Variants in SHISA9 observed in about 807,000 individuals in gnomAD.
The protein encoded by SHISA9 is shisa family member 9.
A neutral mutation model predicts 38.0 loss-of-function variants in SHISA9; 13 were observed. The ratio of observed to expected loss-of-function variants is 0.34; its 90% confidence interval spans 0.22 to 0.54. SHISA9 has a LOEUF of 0.54. Ranked by LOEUF, SHISA9 falls within the 20% of genes least tolerant of loss-of-function variation. The pLI, the probability that SHISA9 is intolerant of heterozygous loss-of-function variation, is 0.91. For missense variants in SHISA9, 538 were observed against 575.8 expected, an observed-to-expected ratio of 0.93 and a Z score of 0.67; for synonymous variants, 275 against 242.0, an observed-to-expected ratio of 1.14 and a Z score of -1.27.
At chr16:13,093,944 C>T (rs1181005604) in intron 2 of SHISA9, among the ~76,000 whole-genome samples, 1 of 152,148 alleles carries the variant, frequency 6.6e-6, no homozygotes, top group Non-Finnish European at 1.5e-5. Context: ...GGGCTCCTTA[C>T]TCCTTGTCTG....
intron 2 of SHISA9, among the ~76,000 whole-genome samples, chr16:13,177,594 C>T (rs1370923040): frequency 6.6e-6 from 1 of 152,106 alleles, no homozygotes; most frequent in Non-Finnish European, 1.5e-5. Context: ...TTTTCCCTAA[C>T]TGATACCTGT....
the SHISA9 span, among the ~76,000 whole-genome samples, chr16:13,476,487 G>A: frequency 6.6e-6 from 1 of 152,168 alleles, no homozygotes; most frequent in Non-Finnish European, 1.5e-5. Flanking sequence ...ACAGGACCTA[G>A]ACTGAACCCC....
intron 2 of SHISA9, among the ~76,000 whole-genome samples, chr16:12,993,509 A>G (rs902781881): frequency 2.0e-5 from 3 of 152,186 alleles, no homozygotes; most frequent in Non-Finnish European, 4.4e-5. Flanking sequence ...ATAAAATAAC[A>G]TAAAAAGCCC....
chr16:13,479,480 TAGG>T, the SHISA9 span, among the ~76,000 whole-genome samples: 2 of 152,220 alleles, frequency 1.3e-5, no homozygotes, highest in Non-Finnish European at 2.9e-5. Flanking sequence ...AAACTGACTC[TAGG>T]AGATGTCACT....
At chr16:13,120,272 A>C (rs945141678) in intron 2 of SHISA9, among the ~76,000 whole-genome samples, 1 of 152,190 alleles carries the variant, frequency 6.6e-6, no homozygotes, top group Non-Finnish European at 1.5e-5. Flanking sequence ...TAGTGCAGTG[A>C]AAGCTGATAG....
the SHISA9 span, among the ~76,000 whole-genome samples, chr16:13,375,575 C>T: frequency 6.6e-6 from 1 of 151,940 alleles, no homozygotes; most frequent in African/African-American, 2.4e-5. Context: ...GTTACTGTAG[C>T]CTTGTAGTAT....
At chr16:12,927,760 C>A (rs767476429) in intron 2 of SHISA9, among the ~76,000 whole-genome samples, 1 of 151,870 alleles carries the variant, frequency 6.6e-6, no homozygotes, top group Non-Finnish European at 1.5e-5. Context: ...ACATGGGCTC[C>A]CACCCCCCAT....
chr16:13,113,786 C>T (rs2074002842), intron 2 of SHISA9, among the ~76,000 whole-genome samples: 1 of 152,116 alleles, frequency 6.6e-6, no homozygotes, highest in Non-Finnish European at 1.5e-5. Context: ...ACAATAGAAA[C>T]TAGAAAAAGG....
chr16:13,220,962 G>C (rs1430766838), intron 4 of SHISA9, among the ~76,000 whole-genome samples: 1 of 151,656 alleles, frequency 6.6e-6, no homozygotes, highest in Non-Finnish European at 1.5e-5. Flanking sequence ...GCCAGGGGCT[G>C]TTTTAGAATT....
intron 3 of SHISA9, among the ~76,000 whole-genome samples, chr16:13,203,793 C>T (rs1262838150): frequency 1.3e-5 from 2 of 152,048 alleles, no homozygotes; most frequent in African/African-American, 4.8e-5. Flanking sequence ...ACACTCTATC[C>T]ATCCATTCAT....
chr16:13,128,427 C>G (rs1005084502), intron 2 of SHISA9, among the ~76,000 whole-genome samples: 2 of 152,104 alleles, frequency 1.3e-5, no homozygotes, highest in African/African-American at 4.8e-5. Context: ...AACCTAGCAG[C>G]TAGGAGGCTC....
At chr16:13,421,037 T>A in the SHISA9 span, among the ~76,000 whole-genome samples, 1 of 152,178 alleles carries the variant, frequency 6.6e-6, no homozygotes, top group Non-Finnish European at 1.5e-5. Context: ...TCAATACTAA[T>A]TAAACTGGCA....
intron 2 of SHISA9, among the ~76,000 whole-genome samples, chr16:12,993,963 C>A (rs1315277427): frequency 6.6e-6 from 1 of 151,874 alleles, no homozygotes; most frequent in Non-Finnish European, 1.5e-5. Context: ...GTGGCTGCAG[C>A]AGGAGGGAGA....
At chr16:13,098,513 G>T (rs1482238773) in intron 2 of SHISA9, among the ~76,000 whole-genome samples, 1 of 152,120 alleles carries the variant, frequency 6.6e-6, no homozygotes, top group African/African-American at 2.4e-5. Flanking sequence ...TCTGAATCTT[G>T]TTCTCTGCAA....
the SHISA9 span, among the ~76,000 whole-genome samples, chr16:13,395,510 A>G: frequency 6.6e-6 from 1 of 152,264 alleles, no homozygotes; most frequent in African/African-American, 2.4e-5. Flanking sequence ...CTGAGACTGA[A>G]TGGCTTGACA....
downstream of SHISA9, among the ~76,000 whole-genome samples, chr16:13,243,206 C>T (rs1331801464): frequency 6.6e-6 from 1 of 151,684 alleles, no homozygotes; most frequent in Non-Finnish European, 1.5e-5. Context: ...CGCCACTGCA[C>T]TCCAACCCTG....
chr16:13,006,397 A>G (rs116214468), intron 2 of SHISA9, among the ~76,000 whole-genome samples: 1 of 152,122 alleles, frequency 6.6e-6, no homozygotes, highest in African/African-American at 2.4e-5. Flanking sequence ...ATATCAGCCA[A>G]CCTGTGACAG....
intron 4 of SHISA9, among the ~76,000 whole-genome samples, chr16:13,220,691 G>C (rs529828025): frequency 6.6e-6 from 1 of 152,308 alleles, no homozygotes; most frequent in South Asian, 2.1e-4. Context: ...TATCTATATA[G>C]CAGCAATGCA....
intron 1 of SHISA9, among the ~76,000 whole-genome samples, chr16:12,906,692 C>CAA (rs56148618): frequency 6.6e-6 from 1 of 152,014 alleles, no homozygotes; most frequent in African/African-American, 2.4e-5. Context: ...TTTAAACATA[C>CAA]AAAAAAACCT....
Sources: gnomAD v4.1 joint callset for allele counts (sites outside exome capture counted in the v4.1 genomes callset) on GRCh38, gnomAD v4.1.1 for gene constraint, MANE v1.5 for transcripts, NCBI Gene and HGNC (gene_info 2026-07-23, HGNC 2026-07-21) for gene names.